The following CORO7 variants were observed in gnomAD, a reference collection of about 807,000 sequenced individuals.
CORO7 encodes the protein coronin 7.
A neutral mutation model predicts 126.6 loss-of-function variants in CORO7; 107 were observed. The ratio of observed to expected loss-of-function variants is 0.85; its 90% CI spans 0.72 to 0.99. The LOEUF (loss-of-function observed/expected upper bound fraction) is 0.99, where lower values mean the gene tolerates loss of function less well. Among genes scored for constraint, CORO7 ranks in the 50% least tolerant of loss-of-function variants. CORO7 has a pLI of 0.00. For missense variants in CORO7, 1,314 were observed against 1,255.8 expected, an observed-to-expected ratio of 1.05 and a Z score of -0.70; for synonymous variants, 603 against 536.8, an observed-to-expected ratio of 1.12 and a Z score of -1.70.
intron 1 of CORO7, among the ~76,000 whole-genome samples, chr16:4,415,021 C>T (rs1282820884): frequency 1.3e-5 from 2 of 152,078 alleles, no homozygotes; most frequent in Non-Finnish European, 2.9e-5. Flanking sequence ...GTCACCACAC[C>T]TGGCTAATTT....
At chr16:4,357,901 C>G (rs937084996) in intron 25 of CORO7, 67 bp downstream of exon 25, 1 of 1,541,180 alleles carries the variant, frequency 6.5e-7, no homozygotes, top group East Asian at 2.3e-5. Context: ...GAACTTCAAC[C>G]TGGGCCTTCT....
intron 1 of CORO7, chr16:4,415,755 C>G: frequency 1.0e-6 from 1 of 985,546 alleles, no homozygotes; most frequent in Non-Finnish European, 1.2e-6. Context: ...GACATCGTTT[C>G]CAAGGCGCAC....
chr16:4,398,849 T>C (rs1396636708), intron 6 of CORO7, among the ~76,000 whole-genome samples: 1 of 151,534 alleles, frequency 6.6e-6, no homozygotes, highest in Non-Finnish European at 1.5e-5. Flanking sequence ...GAGACTGTGT[T>C]CCCAGCTACT....
rs377210331 is a variant in CORO7 at position 4,359,268 on chromosome 16, C to T, written c.2340+28G>A. 76 of 1,569,644 alleles carry T rather than the reference C, an allele frequency of 4.8e-5. No homozygotes were observed. In the Middle Eastern group the frequency reaches 1.2e-3, roughly 24 times the overall value. Reference sequence around the variant, plus strand: ...GGGCAGGGCAGCCTTGTGGTCCCATCGGGGACGAGGCGCCAGGGTGGCCTC... The same window carrying T: ...GGGCAGGGCAGCCTTGTGGTCCCATTGGGGACGAGGCGCCAGGGTGGCCTC... On this transcript the variant is annotated intron_variant, in intron 23 of 27. Transcript: ENST00000251166.
At chr16:4,381,758 C>T (rs1377510175) in intron 9 of CORO7, 2 of 1,602,242 alleles carry the variant, frequency 1.2e-6, no homozygotes, top group Non-Finnish European at 1.7e-6. Context: ...CGGCTGCTGG[C>T]AGCTGCCCGC....
chr16:4,356,912 G>C, intron 26 of CORO7: 1 of 552,986 alleles, frequency 1.8e-6, no homozygotes, highest in Middle Eastern at 4.9e-4. Context: ...GGTCCCAAAA[G>C]CACTTGGGCC....
At chr16:4,409,242 G>A (rs535438776) in intron 3 of CORO7, among the ~76,000 whole-genome samples, 27 of 152,348 alleles carry the variant, frequency 1.8e-4, no homozygotes, top group African/African-American at 5.1e-4. Context: ...TAGGACGGAC[G>A]TGCACAGGCA....
At chr16:4,412,929 A>T (rs917618043) in intron 2 of CORO7, 3 of 238,088 alleles carry the variant, frequency 1.3e-5, no homozygotes, top group Non-Finnish European at 2.5e-5. Flanking sequence ...ACTAGCAATC[A>T]AGAGAGTGCC....
At chr16:4,361,597 C>T (rs973965795) in intron 16 of CORO7, 128 bp from the exon 17 acceptor site, 19 of 1,143,578 alleles carry the variant, frequency 1.7e-5, no homozygotes, top group Non-Finnish European at 2.1e-5. Context: ...GCTGGGTGAC[C>T]CAAGCTCTCT....
chr16:4,386,022 G>C (rs1392643186), intron 9 of CORO7, among the ~76,000 whole-genome samples: 7 of 152,230 alleles, frequency 4.6e-5, no homozygotes, highest in Non-Finnish European at 8.8e-5. Flanking sequence ...CAGGGAGTTA[G>C]TGGGGGGCTC....
intron 10 of CORO7, among the ~76,000 whole-genome samples, 184 bp from the exon 11 acceptor site, chr16:4,365,244 C>A (rs1195653183): frequency 6.6e-6 from 1 of 152,182 alleles, no homozygotes; most frequent in African/African-American, 2.4e-5. Flanking sequence ...ACTTGCTCAG[C>A]CTCGTTGCAC....
At position 4,413,374 on chromosome 16, in the gene CORO7, C is replaced by T. The variant is rs143239749; in HGVS notation, c.91G>A (p.Ala31Thr). Residue 31 changes from alanine to threonine, a missense_variant, in exon 2 of 28, where the codon GCC (alanine) becomes ACC (threonine). Physicochemically the swap from Ala to Thr is moderately conservative, Grantham distance 58. Coordinates refer to ENST00000251166, the MANE Select transcript of CORO7 (RefSeq NM_024535.5). The stretch of plus-strand genomic sequence containing the variant: ...TTGATGTGGTTCCTGCATGAAGGGG[C>T]GGTTCCTGCTCGAATGTCACTGATC... ...SWISDIRAGTAPSCRNHIKSS... is the reference protein window; with the variant it reads ...SWISDIRAGTTPSCRNHIKSS... 79 of 1,582,210 alleles carry T rather than the reference C, an allele frequency of 5.0e-5. No homozygotes were observed. The highest frequency in any genetic ancestry group is 4.9e-4 in the Admixed American group (27 of 54,888).
chr16:4,389,850 C>G (rs1440450783), intron 7 of CORO7, among the ~76,000 whole-genome samples: 2 of 152,200 alleles, frequency 1.3e-5, no homozygotes. Context: ...CCAGGTGGCT[C>G]TTAGCTTGTC....
rs954777983 is a variant in CORO7 at position 4,357,483 on chromosome 16, T to C, written c.2594-224A>G. 1.0e-4 allele frequency: 50 copies of C among 489,846 alleles called. 1 individual carries two copies. In the South Asian group the frequency reaches 1.3e-3, roughly 13 times the overall value. 30.3% of individuals were successfully genotyped at this position (489,846 alleles called of 1,614,324 possible). A position where few individuals can be genotyped will look rare whatever the true frequency, so the allele number is the denominator to read the frequency against. ...CAAGCGATTCTCCTGCTTCAGCCTC[T>C]GGAGTAGTTGGGATTGCAGGCGCCC... On this transcript the variant is annotated intron_variant, in intron 25 of 27. Transcript: ENST00000251166.
At chr16:4,410,520 C>T (rs564777242) in intron 3 of CORO7, among the ~76,000 whole-genome samples, 1 of 152,182 alleles carries the variant, frequency 6.6e-6, no homozygotes. Flanking sequence ...TTGCAGGAGT[C>T]TCAGTTTTCA....
chr16:4,391,165 G>A (rs372547655), intron 7 of CORO7, among the ~76,000 whole-genome samples: 117 of 152,284 alleles, frequency 7.7e-4, no homozygotes, highest in African/African-American at 2.6e-3. Flanking sequence ...GGTACCTGCC[G>A]TAATCCCAAC....
rs1247317408 is a variant in CORO7 at position 4,362,585 on chromosome 16, G to A, written c.1402+27C>T. 3 of 1,534,428 alleles carry A rather than the reference G, an allele frequency of 2.0e-6. No individual in the cohort carries two copies. Among genetic ancestry groups the A allele is most frequent in the Non-Finnish European group, 2.6e-6 (3 of 1,144,284 alleles). On this transcript the variant is annotated intron_variant, in intron 15 of 27. Transcript: ENST00000251166. This position sits in a 1 kb window ranked among gnomAD's most constrained non-coding sequence, Gnocchi z 5.3. ...GGGCAGACAGGGCTCCTGCGGTAGG[G>A]GTGAGCTCCCCGTCCTGCCTCCTTA...
At chr16:4,406,308 T>G (rs2055996143) in intron 5 of CORO7, among the ~76,000 whole-genome samples, 1 of 151,552 alleles carries the variant, frequency 6.6e-6, no homozygotes. Context: ...CCTATTATTA[T>G]TTTTTGAGAC....
At chr16:4,360,795 T>A (rs439089) in intron 19 of CORO7, 148 bp downstream of exon 19, 1 of 1,177,138 alleles carries the variant, frequency 8.5e-7, no homozygotes, top group Non-Finnish European at 1.1e-6. Flanking sequence ...CTGGCCCCCC[T>A]CTCCTCACTG....
Sources: allele counts gnomAD v4.1 joint callset (sites outside exome capture counted in the v4.1 genomes callset), GRCh38; gene constraint gnomAD v4.1.1; non-coding constraint Gnocchi (gnomAD v3.1); transcripts MANE v1.5; gene names NCBI Gene and HGNC (gene_info 2026-07-23, HGNC 2026-07-21).